The following GREP1 variants were observed in gnomAD, a reference collection of about 807,000 sequenced individuals.
GREP1 encodes the protein glycine-rich extracellular protein 1.
exon 1 of GREP1, chr16:2,988,315 C>T (rs760040754): frequency 4.0e-5 from 16 of 399,224 alleles, no homozygotes; most frequent in Non-Finnish European, 7.1e-5. Context: ...TTTTCCTTCT[C>T]TGCCTGACTT....
At chr16:3,000,246 G>A in intron 29 of GREP1, 128 bp downstream of exon 26, 5 of 399,530 alleles carry the variant, frequency 1.3e-5, no homozygotes, top group Non-Finnish European at 2.2e-5. Flanking sequence ...TGCTGTCCCT[G>A]TTCCACTAGC....
intron 27 of GREP1, among the ~76,000 whole-genome samples, chr16:2,999,479 CTTTTTT>C (rs35368761): frequency 2.6e-5 from 2 of 75,502 alleles, no homozygotes; most frequent in Non-Finnish European, 2.4e-5. Context: ...CCCTCTTGCT[CTTTTTT>C]TTTTTTTTTT....
Position 2,990,092 on chromosome 16 carries a change from G to A in GREP1, c.169G>A (p.Val57Met), listed in dbSNP as rs558286902. 3.0e-5 allele frequency: 12 copies of A among 399,190 alleles called. No individual in the cohort carries two copies. In the South Asian group the frequency reaches 5.1e-4, roughly 17 times the overall value. 24.7% of individuals were successfully genotyped at this position (399,190 alleles called of 1,614,324 possible). The change falls in exon 5 of 35, where the codon GTG becomes ATG. Residue 57 changes from valine to methionine, a missense_variant. Coordinates refer to ENST00000573315, the Ensembl canonical transcript of GREP1. ...CACCTCATCTGTCTCTCCAGGATTC[G>A]TGGTCAGGCATGGGCTGGGAACCCA...
At chr16:3,001,402 C>T (rs1022780517) in intron 34 of GREP1, 68 bp downstream of exon 28, 27 of 398,986 alleles carry the variant, frequency 6.8e-5, no homozygotes, top group Admixed American at 1.3e-4. Context: ...TCCAGCCATA[C>T]TGGGGGACAC....
In GREP1 at chr16:2,988,902, G is replaced by A. The variant is rs553254512; in HGVS notation, c.100+280G>A. On this transcript the variant is annotated intron_variant, in intron 2 of 34. Transcript: ENST00000573315. ...GTGTGACAGGAGGGGCGGACCCACC[G>A]GCAGGCCAAAGGGGGCCGGAGGGGG... 3.3e-4 allele frequency: 124 copies of A among 377,452 alleles called. No homozygotes were observed. The South Asian group carries it at 4.1e-3, about 12-fold the overall frequency. The allele number at this position is 377,452 out of a possible 1,614,324, so 23.4% of individuals were successfully genotyped here. A position where few individuals can be genotyped will look rare whatever the true frequency, so the allele number is the denominator to read the frequency against.
intron 18 of GREP1, 190 bp downstream of exon 17, chr16:2,995,961 C>T (rs2072422562): frequency 2.5e-6 from 1 of 394,682 alleles, no homozygotes; most frequent in Non-Finnish European, 4.4e-6. Flanking sequence ...GAGATGGAGT[C>T]TTGCTCTGTC....
chr16:2,989,680 G>A lies in GREP1; in HGVS notation c.130+128G>A, dbSNP rs986105862. 9 of 399,374 alleles carry A rather than the reference G, an allele frequency of 2.3e-5. No individual in the cohort carries two copies. Among genetic ancestry groups the A allele is most frequent in the South Asian group, 1.3e-4 (1 of 7,758 alleles). The allele number at this position is 399,374 out of a possible 1,614,324, so 24.7% of individuals were successfully genotyped here. A position where few individuals can be genotyped will look rare whatever the true frequency, so the allele number is the denominator to read the frequency against. Reference sequence around the variant, plus strand: ...GGAAGCAGTCGTCTCAGAAATACATGGGGACAGAGCATAGCCCCAGAGTGT... The same window carrying A: ...GGAAGCAGTCGTCTCAGAAATACATAGGGACAGAGCATAGCCCCAGAGTGT... On this transcript the variant is annotated intron_variant, in intron 3 of 34. Coordinates refer to ENST00000573315, the Ensembl canonical transcript of GREP1. This position sits in a 1 kb window ranked among gnomAD's most constrained non-coding sequence, Gnocchi z 4.2.
chr16:3,001,299 G>A (rs2072460990), exon 34 of GREP1: 3 of 399,058 alleles, frequency 7.5e-6, no homozygotes, highest in Non-Finnish European at 1.3e-5. Context: ...GACGTGAAGA[G>A]AGGCAGCAAT....
intron 18 of GREP1, among the ~76,000 whole-genome samples, chr16:2,996,134 T>C (rs1038496655): frequency 2.0e-5 from 3 of 152,158 alleles, no homozygotes; most frequent in East Asian, 3.8e-4. Flanking sequence ...GATTTCACCA[T>C]GTTGCTCAGG....
exon 18 of GREP1, chr16:2,995,896 C>T: frequency 2.5e-6 from 1 of 398,218 alleles, no homozygotes; most frequent in Admixed American, 4.4e-5. Context: ...TTCCCTGGGG[C>T]TGGAACCCAG....
At chr16:2,995,886 T>A in exon 18 of GREP1, 3 of 397,924 alleles carry the variant, frequency 7.5e-6, no homozygotes, top group Non-Finnish European at 1.3e-5. Flanking sequence ...AGCAGGGGCC[T>A]TCCCTGGGGC....
At position 2,995,333 on chromosome 16, in the gene GREP1, C is replaced by T. The variant is rs1435269060; in HGVS notation, c.517+17C>T. On this transcript the variant is annotated intron_variant, in intron 14 of 34. Transcript: ENST00000573315. ...AGGAGCCAGGTAAGCCTGGCTCTCC[C>T]GGGCTTCTGTCTCCCCAGTGTTCAG... 3 of 398,948 alleles carry T rather than the reference C, an allele frequency of 7.5e-6. No homozygotes were observed. Among genetic ancestry groups the T allele is most frequent in the Middle Eastern group, 6.3e-4 (1 of 1,590 alleles). The allele number at this position is 398,948 out of a possible 1,614,324, so 24.7% of individuals were successfully genotyped here.
Position 2,991,289 on chromosome 16 carries a change from C to T in GREP1, c.322+188C>T. 1.0e-5 allele frequency: 4 copies of T among 394,424 alleles called. No individual in the cohort carries two copies. Among genetic ancestry groups the T allele is most frequent in the Non-Finnish European group, 1.8e-5 (4 of 224,088 alleles). The allele number at this position is 394,424 out of a possible 1,614,324, so 24.4% of individuals were successfully genotyped here. ...CGAAGCCAGGTGAGGCAGAGCCCTG[C>T]CCCGCCTTGCCCACTTATATCCAGG... On this transcript the variant is annotated intron_variant, in intron 8 of 34. Coordinates refer to ENST00000573315, the Ensembl canonical transcript of GREP1. This position sits in a 1 kb window ranked among gnomAD's most constrained non-coding sequence, Gnocchi z 4.9.
chr16:2,995,913 G>A (rs2151101604), intron 18 of GREP1, 142 bp downstream of exon 17: 1 of 398,338 alleles, frequency 2.5e-6, no homozygotes, highest in Non-Finnish European at 4.4e-6. Context: ...CCAGCCAGGT[G>A]AGGACACCTG....
chr16:3,000,177 T>C, intron 29 of GREP1, 59 bp downstream of exon 26: 1 of 399,274 alleles, frequency 2.5e-6, no homozygotes, highest in Non-Finnish European at 4.4e-6. Flanking sequence ...CCCTCATGCC[T>C]GAGTCAGTCT....
intron 21 of GREP1, 37 bp downstream of exon 20, chr16:2,997,122 A>G: frequency 2.5e-6 from 1 of 399,002 alleles, no homozygotes; most frequent in Non-Finnish European, 4.4e-6. Flanking sequence ...GCCTCCCCCA[A>G]ACCCTGAGCT....
In GREP1 at chr16:2,991,114, C is replaced by G; in HGVS notation, c.322+13C>G. The G allele has an allele frequency of 5.0e-6, 2 of 399,162 alleles. No homozygotes were observed. Among genetic ancestry groups the G allele is most frequent in the South Asian group, 1.3e-4 (1 of 7,860 alleles). The allele number at this position is 399,162 out of a possible 1,614,324, so 24.7% of individuals were successfully genotyped here. On this transcript the variant is annotated intron_variant, in intron 8 of 34. Coordinates refer to ENST00000573315, the Ensembl canonical transcript of GREP1. The surrounding 1 kb of genome is among the most constrained non-coding windows in gnomAD (Gnocchi z 4.9). Reference sequence around the variant, plus strand: ...GGAGCCCAGTCAGGTGAGGAAACGTCGGGTGTGGCAGGACCTGGGCTTCCA... The same window carrying G: ...GGAGCCCAGTCAGGTGAGGAAACGTGGGGTGTGGCAGGACCTGGGCTTCCA...
Position 2,997,829 on chromosome 16 carries a change from A to T in GREP1, c.943A>T (p.Lys315Ter), listed in dbSNP as rs1221693478. The T allele has an allele frequency of 1.8e-5, 7 of 398,368 alleles. No homozygotes were observed. The highest frequency in any genetic ancestry group is 2.7e-5 in the Non-Finnish European group (6 of 226,050). 24.7% of individuals were successfully genotyped at this position (398,368 alleles called of 1,614,324 possible). ...TGCTGGAGAGGGCATGAAACCTCAG[A>T]AGCCAGGTAAGCCCTTCCCACTCCT... is the stretch of plus-strand genomic sequence containing the variant. Residue 315 changes from lysine to a stop codon, truncating the protein, a stop_gained, in exon 23 of 35, where the codon AAG becomes TAG. Coordinates refer to ENST00000573315, the Ensembl canonical transcript of GREP1. LOFTEE classifies it high-confidence loss of function.
At chr16:2,996,961 C>T (rs539881801) in exon 21 of GREP1, 14 of 399,130 alleles carry the variant, frequency 3.5e-5, no homozygotes, top group South Asian at 1.3e-4. Flanking sequence ...GAGCTCCAAA[C>T]GGCTATGGAC....
Sources: allele counts gnomAD v4.1 joint callset (sites outside exome capture counted in the v4.1 genomes callset), GRCh38; gene constraint gnomAD v4.1.1; non-coding constraint Gnocchi (gnomAD v3.1); transcripts MANE v1.5; gene names NCBI Gene and HGNC (gene_info 2026-07-23, HGNC 2026-07-21).